Variants in ARPP19 observed in about 807,000 individuals in gnomAD.
ARPP19 encodes cAMP regulated phosphoprotein 19, also known as cAMP-regulated phosphoprotein 19.
In ARPP19, 8 loss-of-function variants were observed where a neutral mutation model predicts 12.0. The observed-to-expected ratio is 0.67, with a 90% CI of 0.39 to 1.21. The LOEUF is 1.21. ARPP19 is among the 50% of genes most tolerant of loss of function. The probability of loss-of-function intolerance (pLI) is 0.01; values close to 1 mark genes in which losing one functional copy is unlikely to be tolerated. For synonymous variants in ARPP19, 47 were observed against 50.4 expected (o/e 0.93, Z 0.29); for missense variants, 102 against 136.3 (o/e 0.75, Z 1.25).
In ARPP19 at chr15:52,568,938, G is replaced by C. The variant is rs748749995; in HGVS notation, c.-46C>G. The C allele has an allele frequency of 1.3e-5, 19 of 1,462,834 alleles. No homozygotes were observed. The East Asian group carries it at 4.2e-4, about 32-fold the overall frequency. The allele number at this position is 1,462,834 out of a possible 1,614,324, so 90.6% of individuals were successfully genotyped here. A position where few individuals can be genotyped will look rare whatever the true frequency, so the allele number is the denominator to read the frequency against. ...GACGCCGGGAAAAGATGCAATTAGC[G>C]GGTGGCCGAGGCCACCCGGCCGCCG... On this transcript the variant is annotated 5_prime_UTR_variant, in exon 1 of 3. Coordinates refer to ENST00000249822, the MANE Select transcript of ARPP19 (RefSeq NM_006628.6).
chr15:52,567,986 C>T (rs2078101397), intron 1 of ARPP19, among the ~76,000 whole-genome samples: 1 of 152,192 alleles, frequency 6.6e-6, no homozygotes, highest in African/African-American at 2.4e-5. Context: ...GCCAGTCACA[C>T]CTGCCTAGGA....
rs559030409 is a variant in ARPP19, at chr15:52,564,276, C to T, written c.45+4572G>A. The T allele has an allele frequency of 2.7e-5, 40 of 1,504,144 alleles. 2 individuals are homozygous for T. In the South Asian group the frequency reaches 4.1e-4, roughly 15 times the overall value. The allele number at this position is 1,504,144 out of a possible 1,614,324, so 93.2% of individuals were successfully genotyped here. A position where few individuals can be genotyped will look rare whatever the true frequency, so the allele number is the denominator to read the frequency against. On this transcript the variant is annotated intron_variant, in intron 1 of 2. Coordinates refer to ENST00000249822, the MANE Select transcript of ARPP19 (RefSeq NM_006628.6). ...ATAGAAATAGAAAACATGGATGAGG[C>T]GGTTGCTCACACCTGCAGTCCCAGC...
intron 1 of ARPP19, among the ~76,000 whole-genome samples, chr15:52,560,769 T>C (rs902835805): frequency 1.3e-5 from 2 of 152,242 alleles, no homozygotes; most frequent in African/African-American, 4.8e-5. Context: ...TTAAAAGGCA[T>C]GAGAGAAAGA....
chr15:52,564,724 T>TA (rs112161312), intron 1 of ARPP19, among the ~76,000 whole-genome samples: 5 of 149,958 alleles, frequency 3.3e-5, no homozygotes, highest in Non-Finnish European at 7.4e-5. Context: ...ATTGAGATCT[T>TA]AAAAAAAAAA....
intron 1 of ARPP19, among the ~76,000 whole-genome samples, chr15:52,565,856 TTTTA>T (rs772990527): frequency 1.3e-5 from 2 of 152,224 alleles, no homozygotes; most frequent in Non-Finnish European, 2.9e-5. Flanking sequence ...TTAGTTTAAA[TTTTA>T]TTTTATTTTT....
chr15:52,561,631 G>C (rs28728172), intron 1 of ARPP19, among the ~76,000 whole-genome samples: 32,283 of 151,822 alleles, frequency 0.21, 4,707 homozygotes, highest in East Asian at 0.65. Flanking sequence ...AGGAGTGTTG[G>C]GGAGAGCAAG....
At chr15:52,553,680 G>A (rs1312361716) in intron 2 of ARPP19, among the ~76,000 whole-genome samples, 2 of 150,392 alleles carry the variant, frequency 1.3e-5, no homozygotes, top group South Asian at 4.2e-4. Flanking sequence ...TATGAAACAA[G>A]GGCTTGGACA....
intron 1 of ARPP19, 67 bp downstream of exon 1, chr15:52,568,781 G>A (rs1429371449): frequency 8.1e-7 from 1 of 1,227,254 alleles, no homozygotes; most frequent in Admixed American, 3.5e-5. Context: ...CCTCCGCCTG[G>A]CGGGAGCAGG....
chr15:52,558,973 G>A (rs1322489815), intron 1 of ARPP19, among the ~76,000 whole-genome samples: 1 of 151,906 alleles, frequency 6.6e-6, no homozygotes, highest in Non-Finnish European at 1.5e-5. Context: ...TCTCATACAT[G>A]TTTTATAATC....
At position 52,547,387 on chromosome 15, in the gene ARPP19, C is replaced by T. The variant is rs1885518470; in HGVS notation, c.*4547G>A. 1.3e-5 allele frequency: 2 copies of T among 152,234 alleles called. No individual in the cohort carries two copies. The allele number at this position is 152,234 out of a possible 1,614,324, so 9.4% of individuals were successfully genotyped here. A position where few individuals can be genotyped will look rare whatever the true frequency, so the allele number is the denominator to read the frequency against. On this transcript the variant is annotated 3_prime_UTR_variant, in exon 3 of 3. Coordinates refer to ENST00000249822, the MANE Select transcript of ARPP19 (RefSeq NM_006628.6). ...ACAAAAAAACAAAACAAGGCATTTA[C>T]TCTTGGCCCTTTCAGTACAGGCGAA...
At chr15:52,553,388 A>G (rs1225893918) in intron 2 of ARPP19, among the ~76,000 whole-genome samples, 2 of 152,144 alleles carry the variant, frequency 1.3e-5, no homozygotes, top group African/African-American at 4.8e-5. Flanking sequence ...AATTGTGATG[A>G]GAGCTAAACA....
chr15:52,563,909 C>A (rs1397620239), intron 1 of ARPP19, among the ~76,000 whole-genome samples: 1 of 152,148 alleles, frequency 6.6e-6, no homozygotes, highest in Non-Finnish European at 1.5e-5. Context: ...TTGCCTAGTG[C>A]CTAGCATTTA....
At chr15:52,556,864 G>A (rs1268255531) in intron 2 of ARPP19, 3 of 388,034 alleles carry the variant, frequency 7.7e-6, no homozygotes, top group Admixed American at 8.3e-5. Context: ...TGTTATATCT[G>A]CACTATTTCT....
At chr15:52,564,237 T>A (rs1232937516) in intron 1 of ARPP19, 1 of 1,534,302 alleles carries the variant, frequency 6.5e-7, no homozygotes, top group Non-Finnish European at 8.7e-7. Flanking sequence ...GGGAGCATGT[T>A]GTGTTCACTC....
Sources: gnomAD v4.1 joint callset for allele counts (sites outside exome capture counted in the v4.1 genomes callset) on GRCh38, gnomAD v4.1.1 for gene constraint, MANE v1.5 for transcripts, NCBI Gene and HGNC (gene_info 2026-07-23, HGNC 2026-07-21) for gene names.